Variants in HCN2 observed in about 807,000 individuals in gnomAD.
The protein encoded by HCN2 is potassium/sodium hyperpolarization-activated cyclic nucleotide-gated channel 2.
A neutral mutation model predicts 52.3 loss-of-function variants in HCN2; 20 were observed. The observed-to-expected ratio is 0.38, with a 90% confidence interval of 0.27 to 0.56. The LOEUF is 0.56. HCN2 is among the 20% of genes least tolerant of loss of function. The pLI, the probability that HCN2 is intolerant of heterozygous loss-of-function variation, is 0.71. For synonymous variants in HCN2, 694 were observed against 537.0 expected (o/e 1.29, Z -4.04); for missense variants, 981 against 1,207.7 (o/e 0.81, Z 2.78).
At chr19:596,588 T>C (rs899227512) in intron 1 of HCN2, among the ~76,000 whole-genome samples, 1 of 152,216 alleles carries the variant, frequency 6.6e-6, no homozygotes, top group Non-Finnish European at 1.5e-5. Context: ...GATTTAATGA[T>C]GGTCACTGAT....
In HCN2 at chr19:605,108, C is replaced by T. The variant is rs780728303; in HGVS notation, c.1104C>T (p.Cys368=). The change falls in exon 3 of 8, where the codon TGC becomes TGT. Residue 368 remains cysteine (C), a synonymous_variant. Coordinates refer to ENST00000251287, the MANE Select transcript of HCN2 (RefSeq NM_001194.4). ...YDLASAVMRI[C]NLISMMLLLC... is the part of the protein sequence containing the mutation. ...TGGCCAGCGCGGTGATGAGGATCTG[C>T]AATCTCATCAGCATGATGCTGCTGC... is the stretch of plus-strand genomic sequence containing the variant. The T allele has an allele frequency of 6.2e-6, 10 of 1,611,978 alleles. No homozygotes were observed. The Admixed American group carries it at 1.5e-4, about 24-fold the overall frequency.
At chr19:600,235 C>T (rs1205238501) in intron 1 of HCN2, among the ~76,000 whole-genome samples, 7 of 152,160 alleles carry the variant, frequency 4.6e-5, no homozygotes, top group African/African-American at 1.7e-4. Context: ...TGCAGTGGCA[C>T]GATCTCGGCT....
At chr19:610,200 C>T in intron 4 of HCN2, 59 bp from the exon 5 acceptor site, 2 of 1,578,148 alleles carry the variant, frequency 1.3e-6, no homozygotes, top group Non-Finnish European at 1.7e-6. Context: ...AAGCAGGTGC[C>T]CCTGTGCCCG....
Position 616,430 on chromosome 19 carries a change from G to A in HCN2, c.2626G>A (p.Asp876Asn). The A allele has an allele frequency of 8.0e-7, 1 of 1,242,550 alleles. No individual in the cohort carries two copies. Among genetic ancestry groups the A allele is most frequent in the African/African-American group, 1.6e-5 (1 of 61,896 alleles). 77.0% of individuals were successfully genotyped at this position (1,242,550 alleles called of 1,614,324 possible). The change falls in exon 8 of 8, where the codon GAC becomes AAC. Residue 876 changes from aspartate to asparagine, a missense_variant. Coordinates refer to ENST00000251287, the MANE Select transcript of HCN2 (RefSeq NM_001194.4). Reference sequence around the variant, plus strand: ...CTCACCCGGCGCCGCCGGCGGCCTGGACCCCCAGGACTCCGCGCGCTCGCG... The same window carrying A: ...CTCACCCGGCGCCGCCGGCGGCCTGAACCCCCAGGACTCCGCGCGCTCGCG... ...SASPGAAGGL[D>N]PQDSARSRLS...
intron 5 of HCN2, among the ~76,000 whole-genome samples, chr19:610,720 C>A (rs1047595240): frequency 3.9e-5 from 6 of 152,166 alleles, no homozygotes; most frequent in Admixed American, 3.9e-4. Flanking sequence ...AGCACCAGGT[C>A]CTGGGGGCAC....
At chr19:601,261 C>T (rs1348835560) in intron 1 of HCN2, among the ~76,000 whole-genome samples, 3 of 152,062 alleles carry the variant, frequency 2.0e-5, no homozygotes, top group Non-Finnish European at 2.9e-5. Flanking sequence ...GGCAGTGAGC[C>T]GAGATGGTGC....
intron 5 of HCN2, among the ~76,000 whole-genome samples, chr19:612,319 A>G (rs1983671044): frequency 6.6e-6 from 1 of 151,802 alleles, no homozygotes; most frequent in Non-Finnish European, 1.5e-5. Context: ...CCATTGATTC[A>G]TCTCCAGACC....
rs1358382901 is a variant in HCN2 at position 617,075 on chromosome 19, G to A, written c.*601G>A. The A allele has an allele frequency of 5.1e-6, 3 of 590,428 alleles. No individual in the cohort carries two copies. Among genetic ancestry groups the A allele is most frequent in the Admixed American group, 2.8e-5 (1 of 35,564 alleles). 36.6% of individuals were successfully genotyped at this position (590,428 alleles called of 1,614,324 possible). A position where few individuals can be genotyped will look rare whatever the true frequency, so the allele number is the denominator to read the frequency against. ...GTGATGAATGTACTGACGAGCCGAG[G>A]CAGCAGTGCCCCCACCGTGGCCCCC... On this transcript the variant is annotated 3_prime_UTR_variant, in exon 8 of 8. Coordinates refer to ENST00000251287, the MANE Select transcript of HCN2 (RefSeq NM_001194.4).
intron 5 of HCN2, 148 bp from the exon 6 acceptor site, chr19:613,100 C>A: frequency 9.4e-7 from 1 of 1,064,688 alleles, no homozygotes; most frequent in East Asian, 2.6e-5. Flanking sequence ...CCGTCCTTGG[C>A]GGCAGCAGCT....
chr19:616,504 G>T lies in HCN2; in HGVS notation c.*30G>T. 8.4e-7 allele frequency: 1 copy of T among 1,193,434 alleles called. No individual in the cohort carries two copies. Among genetic ancestry groups the T allele is most frequent in the South Asian group, 2.5e-5 (1 of 39,804 alleles). 73.9% of individuals were successfully genotyped at this position (1,193,434 alleles called of 1,614,324 possible). A position where few individuals can be genotyped will look rare whatever the true frequency, so the allele number is the denominator to read the frequency against. On this transcript the variant is annotated 3_prime_UTR_variant, in exon 8 of 8. Transcript: ENST00000251287. ...CGCCGACCGCCCCGCGGGCCCAGGC[G>T]GGCCGGGGGCGGGGCCGTCATCCAG... is the stretch of plus-strand genomic sequence containing the variant.
chr19:596,639 C>T (rs1032498295), intron 1 of HCN2, among the ~76,000 whole-genome samples: 1 of 152,138 alleles, frequency 6.6e-6, no homozygotes, highest in Admixed American at 6.5e-5. Flanking sequence ...CTGCTCAGCA[C>T]TGGGGTTGGA....
At chr19:598,593 C>T (rs1345484798) in intron 1 of HCN2, among the ~76,000 whole-genome samples, 1 of 151,746 alleles carries the variant, frequency 6.6e-6, no homozygotes, top group African/African-American at 2.4e-5. Context: ...AGCATGAGCC[C>T]CTGCACCCAC....
At chr19:610,026 C>A (rs572882983) in intron 4 of HCN2, among the ~76,000 whole-genome samples, 3 of 152,178 alleles carry the variant, frequency 2.0e-5, no homozygotes, top group African/African-American at 7.2e-5. Flanking sequence ...CCGCTGTGGG[C>A]GGGGGCTTTG....
In HCN2 at chr19:617,042, C is replaced by T. The variant is rs1277458014; in HGVS notation, c.*568C>T. On this transcript the variant is annotated 3_prime_UTR_variant, in exon 8 of 8. Transcript: ENST00000251287. ...AGGGCGCGGGGGGGAGGCTGGGGTC[C>T]CGCCGCCGTGATGAATGTACTGACG... 1.8e-5 allele frequency: 10 copies of T among 543,444 alleles called. No individual in the cohort carries two copies. The highest frequency in any genetic ancestry group is 1.4e-4 in the South Asian group (7 of 50,278). 33.7% of individuals were successfully genotyped at this position (543,444 alleles called of 1,614,324 possible). A position where few individuals can be genotyped will look rare whatever the true frequency, so the allele number is the denominator to read the frequency against.
intron 5 of HCN2, among the ~76,000 whole-genome samples, chr19:611,052 C>A (rs1983614912): frequency 6.6e-6 from 1 of 152,222 alleles, no homozygotes. Flanking sequence ...GTCTCTGTCT[C>A]TTCTTGTAAA....
intron 3 of HCN2, among the ~76,000 whole-genome samples, chr19:606,712 C>T (rs1163196468): frequency 5.3e-5 from 8 of 150,792 alleles, no homozygotes; most frequent in African/African-American, 4.9e-5. Context: ...ATTAGCCAGG[C>T]GTGGTGGCGC....
chr19:610,760 A>G (rs1429172188), intron 5 of HCN2, among the ~76,000 whole-genome samples: 2 of 152,154 alleles, frequency 1.3e-5, no homozygotes, highest in Non-Finnish European at 2.9e-5. Flanking sequence ...TTTAACTCCC[A>G]GCTCTGTTCC....
intron 7 of HCN2, among the ~76,000 whole-genome samples, chr19:614,941 C>A (rs1369899944): frequency 6.6e-6 from 1 of 152,032 alleles, no homozygotes; most frequent in Non-Finnish European, 1.5e-5. Context: ...AGGACAGGTG[C>A]GACGGAGTGG....
chr19:612,393 G>GGTGTGTGTGTGTGTGTGTGTGTGT (rs140326049), intron 5 of HCN2, among the ~76,000 whole-genome samples: 17 of 141,872 alleles, frequency 1.2e-4, no homozygotes, highest in African/African-American at 3.9e-4. Context: ...GCTTTCCACT[G>GGTGTGTGTGTGTGTGTGTGTGTGT]GTGTGTGTGT....
Sources: allele counts gnomAD v4.1 joint callset (sites outside exome capture counted in the v4.1 genomes callset), GRCh38; gene constraint gnomAD v4.1.1; transcripts MANE v1.5; gene names NCBI Gene and HGNC (gene_info 2026-07-23, HGNC 2026-07-21).